ZNF320: variants seen among roughly 807,000 people sequenced by gnomAD.
The protein encoded by ZNF320 is zinc finger protein 320.
A neutral mutation model predicts 6.8 loss-of-function variants in ZNF320; 2 were observed. That is an observed-to-expected ratio of 0.29 (90% CI 0.12 to 0.93). The LOEUF (loss-of-function observed/expected upper bound fraction) is 0.93, where lower values mean the gene tolerates loss of function less well. Ranked by LOEUF, ZNF320 falls within the 40% of genes least tolerant of loss-of-function variation. The probability of loss-of-function intolerance (pLI) is 0.55; values close to 1 mark genes in which losing one functional copy is unlikely to be tolerated. For missense variants in ZNF320, 472 were observed against 611.0 expected (o/e 0.77, Z 2.40); for synonymous variants, 208 against 203.2 (o/e 1.02, Z -0.20).
intron 5 of ZNF320, among the ~76,000 whole-genome samples, chr19:52,869,295 CTTAAA>C (rs2063636542): frequency 6.6e-6 from 1 of 152,194 alleles, no homozygotes; most frequent in African/African-American, 2.4e-5. Flanking sequence ...TTTTACATCT[CTTAAA>C]TTAAATGGCC....
Position 52,881,470 on chromosome 19 carries a change from C to T in ZNF320, c.656G>A (p.Cys219Tyr), listed in dbSNP as rs1323336186. 1 of 1,614,148 alleles carries T rather than the reference C, an allele frequency of 6.2e-7. No individual in the cohort carries two copies. Among genetic ancestry groups the T allele is most frequent in the Non-Finnish European group, 8.5e-7 (1 of 1,180,038 alleles). ...RIHRGDKHYTCNECGKVFDQK... is the reference protein window; with the variant it reads ...RIHRGDKHYTYNECGKVFDQK... ...ATCAAAAACCTTGCCACATTCATTA[C>T]ATGTGTAATGTTTGTCTCCCCTGTG... The change falls in exon 6 of 6, where the codon TGT becomes TAT. Residue 219 changes from cysteine (C) to tyrosine (Y), a missense_variant. Cys to Tyr is a radical substitution (Grantham distance 194). Around this residue, in one of 2 missense-constraint regions of ZNF320, gnomAD observed 462 missense variants for 559.7 expected, o/e 0.83. Transcript: ENST00000682928.
At chr19:52,900,905 T>C (rs2064569158), upstream of ZNF320, among the ~76,000 whole-genome samples, 1 of 124,422 alleles carries the variant, frequency 8.0e-6, no homozygotes, top group African/African-American at 2.9e-5. Context: ...TCTTGACAGA[T>C]ATACTTATTT....
exon 6 of ZNF320, chr19:52,864,022 AT>A: frequency 6.1e-6 from 3 of 488,892 alleles, no homozygotes; most frequent in Middle Eastern, 3.8e-4. Flanking sequence ...CTGGAGGAAC[AT>A]TTTCCTCACC....
At chr19:52,894,891 A>C (rs889371020) in intron 1 of ZNF320, 2 of 152,910 alleles carry the variant, frequency 1.3e-5, no homozygotes, top group South Asian at 2.1e-4. Flanking sequence ...AAAACAAAAC[A>C]AAAACCAAAA....
At chr19:52,885,450 C>T (rs1600629625) in intron 5 of ZNF320, among the ~76,000 whole-genome samples, 1 of 151,740 alleles carries the variant, frequency 6.6e-6, no homozygotes, top group East Asian at 1.9e-4. Context: ...GGCGTGGTGG[C>T]TCATGCCTGT....
chr19:52,871,129 A>G (rs1230401593), intron 5 of ZNF320, among the ~76,000 whole-genome samples: 1 of 152,214 alleles, frequency 6.6e-6, no homozygotes, highest in African/African-American at 2.4e-5. Flanking sequence ...TTTGGGCAAT[A>G]GAGCGAGACT....
chr19:52,862,108 A>C (rs1211385608), exon 6 of ZNF320: 1 of 376,932 alleles, frequency 2.7e-6, no homozygotes, highest in African/African-American at 2.1e-5. Context: ...ATCTCTCTTC[A>C]TTACGGATTC....
intron 5 of ZNF320, among the ~76,000 whole-genome samples, chr19:52,866,630 G>C (rs2063577291): frequency 6.6e-6 from 1 of 152,042 alleles, no homozygotes; most frequent in Non-Finnish European, 1.5e-5. Context: ...CAGTACTTTG[G>C]GAGGCCAAGG....
chr19:52,885,655 G>T (rs949547070), intron 5 of ZNF320, among the ~76,000 whole-genome samples: 1 of 152,126 alleles, frequency 6.6e-6, no homozygotes, highest in African/African-American at 2.4e-5. Context: ...GGTGGAGGTT[G>T]CAGTGAGCTG....
In ZNF320 at chr19:52,881,801, G is replaced by A. The variant is rs928809108; in HGVS notation, c.325C>T (p.His109Tyr). 2 of 1,613,792 alleles carry A rather than the reference G, an allele frequency of 1.2e-6. No homozygotes were observed. Among genetic ancestry groups the A allele is most frequent in the African/African-American group, 1.3e-5 (1 of 75,024 alleles). Residue 109 changes from histidine to tyrosine, a missense_variant, in exon 6 of 6, where the codon CAT (histidine) becomes TAT (tyrosine). His to Tyr is a moderately conservative substitution (Grantham distance 83). Coordinates refer to ENST00000682928, the MANE Select transcript of ZNF320 (RefSeq NM_001351774.2). ...TTTATTTCTGTCATGGGTGCTTCAT[G>A]GTCATTTGTTTCATCTTCTTGCCAC... is the stretch of plus-strand genomic sequence containing the variant. The part of the protein sequence containing the change: ...FQWQEDETND[H>Y]EAPMTEIKKL...
chr19:52,863,947 C>T, exon 6 of ZNF320: 1 of 404,686 alleles, frequency 2.5e-6, no homozygotes, highest in Non-Finnish European at 4.7e-6. Context: ...ACGTATGGGG[C>T]AAAATCACAA....
At chr19:52,868,492 G>C (rs1350370665) in intron 5 of ZNF320, among the ~76,000 whole-genome samples, 1 of 149,584 alleles carries the variant, frequency 6.7e-6, no homozygotes, top group African/African-American at 2.5e-5. Context: ...GGCAAGAAGA[G>C]CGAAACTCTG....
chr19:52,865,044 G>C (rs1447519469), intron 5 of ZNF320, among the ~76,000 whole-genome samples: 11 of 150,800 alleles, frequency 7.3e-5, no homozygotes, highest in Non-Finnish European at 3.0e-5. Context: ...TAAAAAGGTG[G>C]GGCACAGTGG....
intron 4 of ZNF320, among the ~76,000 whole-genome samples, chr19:52,889,101 T>C (rs1402148133): frequency 4.6e-5 from 7 of 151,988 alleles, no homozygotes; most frequent in Non-Finnish European, 7.4e-5. Flanking sequence ...GGAGAATTAC[T>C]TGAACCTGGG....
downstream of ZNF320, among the ~76,000 whole-genome samples, chr19:52,873,207 C>T (rs955378199): frequency 7.2e-5 from 11 of 152,134 alleles, no homozygotes; most frequent in African/African-American, 2.7e-4. Flanking sequence ...AGGCCCTTGT[C>T]GGGCTGAGGG....
chr19:52,862,266 TA>T, exon 6 of ZNF320: 1 of 686,632 alleles, frequency 1.5e-6, no homozygotes, highest in Non-Finnish European at 2.5e-6. Context: ...ATTACACTTG[TA>T]AGGTTTCTCT....
rs747536378 is a variant in ZNF320 at position 52,888,386 on chromosome 19, TCAC to T, written c.16-136_16-134del. 29 of 357,324 alleles carry T rather than the reference TCAC, an allele frequency of 8.1e-5. 4 individuals are homozygous for T. The highest frequency in any genetic ancestry group is 7.2e-4 in the South Asian group (28 of 38,758). The allele number at this position is 357,324 out of a possible 1,614,324, so 22.1% of individuals were successfully genotyped here. On this transcript the variant is annotated intron_variant, in intron 4 of 5. Transcript: ENST00000682928. Reference sequence around the variant, plus strand: ...CCGACAAATCCAAGTAAGGGATTCTTCACCACATGATGTCTTCCCAGTGGTGTT... The same window carrying T: ...CCGACAAATCCAAGTAAGGGATTCTTCACATGATGTCTTCCCAGTGGTGTT...
intron 5 of ZNF320, among the ~76,000 whole-genome samples, chr19:52,882,213 A>C (rs2147820752): frequency 6.6e-6 from 1 of 152,354 alleles, no homozygotes; most frequent in South Asian, 2.1e-4. Context: ...CAAAACACTG[A>C]CAGGGCACAA....
At chr19:52,865,697 A>C (rs2063544548) in intron 5 of ZNF320, among the ~76,000 whole-genome samples, 1 of 128,784 alleles carries the variant, frequency 7.8e-6, no homozygotes, top group Non-Finnish European at 1.5e-5. Flanking sequence ...TATATTATAC[A>C]TATATTTATA....
Sources: gnomAD v4.1 joint callset for allele counts (sites outside exome capture counted in the v4.1 genomes callset) on GRCh38, gnomAD v4.1.1 for gene constraint, gnomAD v4.1.1 regional missense constraint, MANE v1.5 for transcripts, NCBI Gene and HGNC (gene_info 2026-07-23, HGNC 2026-07-21) for gene names.